DYM: variants seen among roughly 807,000 people sequenced by gnomAD.
DYM encodes dymeclin.
Under a neutral mutation model 93.1 loss-of-function variants are expected in DYM, and 78 were observed. The ratio of observed to expected loss-of-function variants is 0.84; its 90% CI spans 0.70 to 1.01. DYM has a LOEUF of 1.01. DYM is among the 50% of genes least tolerant of loss of function. The pLI, the probability that DYM is intolerant of heterozygous loss-of-function variation, is 0.00. For missense variants in DYM, 789 were observed against 845.0 expected (o/e 0.93, Z 0.82); for synonymous variants, 321 against 319.7 (o/e 1.00, Z -0.04).
chr18:49,409,566 T>C (rs1186770668), intron 2 of DYM, among the ~76,000 whole-genome samples: 1 of 152,166 alleles, frequency 6.6e-6, no homozygotes, highest in Non-Finnish European at 1.5e-5. Context: ...CATGTATCCC[T>C]TCATTCATCA....
chr18:49,097,639 C>A, intron 16 of DYM, 124 bp from the exon 17 acceptor site: 1 of 869,012 alleles, frequency 1.2e-6, no homozygotes, highest in Non-Finnish European at 1.9e-6. Context: ...GCTTTTAATT[C>A]ACTAGCCCTC....
chr18:49,403,268 T>C (rs2071062962), intron 2 of DYM, among the ~76,000 whole-genome samples: 1 of 152,224 alleles, frequency 6.6e-6, no homozygotes, highest in South Asian at 2.1e-4. Flanking sequence ...AGCAGCTCTA[T>C]TAAACAACTG....
At chr18:49,046,096 ACACACC>A (rs1402330220) in intron 17 of DYM, among the ~76,000 whole-genome samples, 4 of 151,964 alleles carry the variant, frequency 2.6e-5, no homozygotes, top group African/African-American at 7.2e-5. Context: ...ACACACACAC[ACACACC>A]CACACCCACA....
intron 2 of DYM, among the ~76,000 whole-genome samples, chr18:49,423,192 G>C (rs1339809563): frequency 6.6e-6 from 1 of 152,104 alleles, no homozygotes; most frequent in Non-Finnish European, 1.5e-5. Context: ...ATAACAAACT[G>C]TCTCTCAGAC....
chr18:49,324,255 A>G (rs561836014), intron 8 of DYM, among the ~76,000 whole-genome samples: 2 of 152,002 alleles, frequency 1.3e-5, no homozygotes, highest in African/African-American at 4.8e-5. Flanking sequence ...AAGGCTACCC[A>G]TAATACTGAT....
chr18:49,123,269 T>C (rs973318991), intron 15 of DYM, among the ~76,000 whole-genome samples: 4 of 152,162 alleles, frequency 2.6e-5, no homozygotes, highest in East Asian at 1.9e-4. Flanking sequence ...CTATAGGTTA[T>C]GTGGTGGCTT....
intron 17 of DYM, chr18:49,097,046 C>T (rs2079608296): frequency 2.7e-5 from 10 of 367,988 alleles, no homozygotes; most frequent in South Asian, 2.2e-4. Context: ...GGCACTGAGT[C>T]ACACTATGGA....
chr18:49,306,379 C>T (rs2061276272), intron 8 of DYM, among the ~76,000 whole-genome samples: 1 of 152,126 alleles, frequency 6.6e-6, no homozygotes, highest in Non-Finnish European at 1.5e-5. Context: ...AAAAGAAAGA[C>T]AGAAAAATCC....
chr18:49,420,314 C>T (rs555403344), intron 2 of DYM, among the ~76,000 whole-genome samples: 78 of 151,970 alleles, frequency 5.1e-4, no homozygotes, highest in Non-Finnish European at 1.6e-4. Context: ...ATTACAGGCG[C>T]CCGCCACCAC....
At chr18:49,231,695 T>C (rs1230472551) in intron 13 of DYM, among the ~76,000 whole-genome samples, 2 of 152,228 alleles carry the variant, frequency 1.3e-5, no homozygotes, top group African/African-American at 4.8e-5. Context: ...GATCTACTTG[T>C]ATCTGGTTCC....
intron 13 of DYM, among the ~76,000 whole-genome samples, chr18:49,214,189 G>C (rs971126065): frequency 1.3e-5 from 2 of 152,176 alleles, no homozygotes; most frequent in African/African-American, 4.8e-5. Context: ...TAGGAACTGG[G>C]CTACATAGCA....
At chr18:49,212,744 A>G (rs1390847881) in intron 13 of DYM, among the ~76,000 whole-genome samples, 1 of 151,976 alleles carries the variant, frequency 6.6e-6, no homozygotes, top group Non-Finnish European at 1.5e-5. Context: ...TGATCCATCC[A>G]CCCTGGCCTT....
At chr18:49,098,204 C>T (rs890359209) in intron 16 of DYM, among the ~76,000 whole-genome samples, 3 of 152,188 alleles carry the variant, frequency 2.0e-5, no homozygotes, top group African/African-American at 4.8e-5. Flanking sequence ...ATCAAGAAGA[C>T]TGCAGATCCC....
chr18:49,221,993 A>AG (rs1162912309), intron 13 of DYM, among the ~76,000 whole-genome samples: 3 of 152,084 alleles, frequency 2.0e-5, no homozygotes, highest in Middle Eastern at 3.4e-3. Flanking sequence ...TTATAAAAAA[A>AG]AAAGAAAGAA....
chr18:49,089,803 C>T (rs2078877380), intron 17 of DYM, among the ~76,000 whole-genome samples: 1 of 152,162 alleles, frequency 6.6e-6, no homozygotes, highest in Admixed American at 6.5e-5. Flanking sequence ...TGACCAGATT[C>T]CTTCTTAGAT....
At chr18:49,227,381 G>A (rs1230924313) in intron 13 of DYM, among the ~76,000 whole-genome samples, 1 of 152,148 alleles carries the variant, frequency 6.6e-6, no homozygotes, top group African/African-American at 2.4e-5. Flanking sequence ...TAGCAGAGCA[G>A]TAAAAATACA....
At chr18:49,231,066 T>C (rs889292766) in intron 13 of DYM, among the ~76,000 whole-genome samples, 5 of 152,246 alleles carry the variant, frequency 3.3e-5, no homozygotes, top group Admixed American at 6.5e-5. Flanking sequence ...TAGATAGATA[T>C]ATTAGCTTAG....
At chr18:49,120,078 C>CAAAA (rs71165367) in intron 15 of DYM, among the ~76,000 whole-genome samples, 2 of 56,172 alleles carry the variant, frequency 3.6e-5, no homozygotes, top group East Asian at 4.4e-4. Context: ...GATCCTGTCT[C>CAAAA]AAAAAAAAAA....
chr18:49,092,000 A>G (rs1195711924), intron 17 of DYM, among the ~76,000 whole-genome samples: 1 of 152,198 alleles, frequency 6.6e-6, no homozygotes, highest in Non-Finnish European at 1.5e-5. Context: ...CAATTTTAAA[A>G]AAAGAAAACA....
Sources: allele counts gnomAD v4.1 joint callset (sites outside exome capture counted in the v4.1 genomes callset), GRCh38; gene constraint gnomAD v4.1.1; transcripts MANE v1.5; gene names NCBI Gene and HGNC (gene_info 2026-07-23, HGNC 2026-07-21).